The following NBEA variants were observed in gnomAD, a reference collection of about 807,000 sequenced individuals.
NBEA encodes the protein lysosomal-trafficking regulator 2.
In NBEA, 44 loss-of-function variants were observed where a neutral mutation model predicts 343.4. The ratio of observed to expected loss-of-function variants is 0.13; its 90% CI spans 0.10 to 0.16. The LOEUF is 0.16. Ranked by LOEUF, NBEA falls within the 10% of genes least tolerant of loss-of-function variation. NBEA has a pLI of 1.00. For missense variants in NBEA, 2,555 were observed against 3,631.3 expected (o/e 0.70, Z 7.62); for synonymous variants, 1,175 against 1,238.7 (o/e 0.95, Z 1.08).
intron 35 of NBEA, among the ~76,000 whole-genome samples, chr13:35,307,313 C>G (rs1057236865): frequency 1.3e-5 from 2 of 151,994 alleles, no homozygotes; most frequent in African/African-American, 4.8e-5. Flanking sequence ...AATTACTCTT[C>G]TAAAACACTG....
chr13:35,107,352 G>A (rs2065970281), intron 11 of NBEA, among the ~76,000 whole-genome samples: 2 of 151,136 alleles, frequency 1.3e-5, no homozygotes, highest in Non-Finnish European at 3.0e-5. Context: ...TGAAAATTAT[G>A]TACTAAGGTT....
chr13:35,001,477 A>G (rs1177259285), intron 1 of NBEA, among the ~76,000 whole-genome samples: 1 of 152,194 alleles, frequency 6.6e-6, no homozygotes, highest in Non-Finnish European at 1.5e-5. Context: ...GCACAATGGA[A>G]TACTATTCGG....
intron 48 of NBEA, among the ~76,000 whole-genome samples, chr13:35,615,892 A>G (rs546260518): frequency 2.0e-5 from 3 of 152,194 alleles, no homozygotes; most frequent in Non-Finnish European, 2.9e-5. Flanking sequence ...CCCTGTTTCT[A>G]TATCTTTTAC....
At chr13:35,181,290 G>C (rs968833925) in intron 28 of NBEA, among the ~76,000 whole-genome samples, 2 of 151,850 alleles carry the variant, frequency 1.3e-5, no homozygotes, top group African/African-American at 2.4e-5. Context: ...CCCACCAGCA[G>C]TGTAGAAGTG....
intron 6 of NBEA, among the ~76,000 whole-genome samples, chr13:35,054,087 A>T (rs2063159477): frequency 6.6e-6 from 1 of 152,100 alleles, no homozygotes; most frequent in Non-Finnish European, 1.5e-5. Context: ...ATAATAATAC[A>T]TCTAGTATTT....
At chr13:35,347,357 T>C (rs1183081494) in intron 36 of NBEA, among the ~76,000 whole-genome samples, 1 of 151,872 alleles carries the variant, frequency 6.6e-6, no homozygotes, top group Non-Finnish European at 1.5e-5. Flanking sequence ...AAAAAAGTAA[T>C]GCTGTTATTG....
chr13:35,217,550 G>A (rs947931281), intron 33 of NBEA, among the ~76,000 whole-genome samples: 13 of 152,008 alleles, frequency 8.6e-5, no homozygotes, highest in Non-Finnish European at 1.6e-4. Flanking sequence ...TCTGTGTAAG[G>A]TGTGAGGTTT....
intron 14 of NBEA, among the ~76,000 whole-genome samples, chr13:35,117,872 TGTGAGATA>T (rs1406383196): frequency 6.6e-6 from 1 of 152,026 alleles, no homozygotes; most frequent in Non-Finnish European, 1.5e-5. Context: ...AAATATAAAT[TGTGAGATA>T]GTACACAAAA....
intron 34 of NBEA, among the ~76,000 whole-genome samples, chr13:35,234,333 T>A (rs2075121918): frequency 6.6e-6 from 1 of 152,134 alleles, no homozygotes; most frequent in Non-Finnish European, 1.5e-5. Flanking sequence ...ACTTTAAAAG[T>A]TCTTGGAAGC....
At chr13:35,646,001 G>A in intron 50 of NBEA, 70 bp downstream of exon 50, 1 of 1,024,690 alleles carries the variant, frequency 9.8e-7, no homozygotes, top group Non-Finnish European at 1.4e-6. Context: ...TCACAGGTTA[G>A]ATTTTCCACA....
At chr13:35,088,816 C>A (rs2152622745) in intron 10 of NBEA, among the ~76,000 whole-genome samples, 1 of 148,310 alleles carries the variant, frequency 6.7e-6, no homozygotes, top group Middle Eastern at 3.4e-3. Context: ...GGAAAGGATT[C>A]CCTATTTAAT....
chr13:35,454,299 T>G (rs974381825), intron 40 of NBEA, among the ~76,000 whole-genome samples: 2 of 152,200 alleles, frequency 1.3e-5, no homozygotes, highest in Non-Finnish European at 1.5e-5. Context: ...ATAGTTACAA[T>G]GTTACATAAA....
intron 48 of NBEA, among the ~76,000 whole-genome samples, chr13:35,618,659 A>T (rs1374204311): frequency 1.3e-5 from 2 of 152,220 alleles, no homozygotes; most frequent in African/African-American, 4.8e-5. Context: ...ATTTATCCAC[A>T]TGAAGCTAGG....
intron 48 of NBEA, among the ~76,000 whole-genome samples, chr13:35,611,715 C>G (rs1003228876): frequency 6.6e-6 from 1 of 152,182 alleles, no homozygotes; most frequent in East Asian, 1.9e-4. Flanking sequence ...TTTTGAGATT[C>G]ACCCATGTTG....
At chr13:35,590,259 ATACT>A (rs1253287902) in intron 46 of NBEA, among the ~76,000 whole-genome samples, 4 of 152,122 alleles carry the variant, frequency 2.6e-5, no homozygotes, top group East Asian at 1.9e-4. Flanking sequence ...TGAAAGATCA[ATACT>A]TACTTATAAA....
intron 1 of NBEA, among the ~76,000 whole-genome samples, chr13:34,969,771 GT>G (rs561654911): frequency 0.021 from 3,044 of 145,934 alleles, 80 homozygotes; most frequent in African/African-American, 0.058. Context: ...TATATACCAC[GT>G]TTTTTTTTTT....
intron 28 of NBEA, among the ~76,000 whole-genome samples, chr13:35,181,173 C>T (rs891149042): frequency 2.6e-5 from 4 of 151,852 alleles, no homozygotes; most frequent in Non-Finnish European, 5.9e-5. Context: ...ACTTCTTTTC[C>T]TCTGGGTAAA....
At chr13:35,082,225 T>C (rs528040704) in intron 10 of NBEA, among the ~76,000 whole-genome samples, 2 of 152,288 alleles carry the variant, frequency 1.3e-5, no homozygotes, top group South Asian at 2.1e-4. Flanking sequence ...GCTTCATCCA[T>C]GTCCCTACAA....
At chr13:35,338,654 C>G (rs1010236206) in intron 36 of NBEA, among the ~76,000 whole-genome samples, 1 of 151,884 alleles carries the variant, frequency 6.6e-6, no homozygotes, top group African/African-American at 2.4e-5. Flanking sequence ...CAGATAAAGT[C>G]GTTTGAAAAG....
Sources: allele counts gnomAD v4.1 joint callset (sites outside exome capture counted in the v4.1 genomes callset), GRCh38; gene constraint gnomAD v4.1.1; transcripts MANE v1.5; gene names NCBI Gene and HGNC (gene_info 2026-07-23, HGNC 2026-07-21).